The following CATIP variants were observed in gnomAD, a reference collection of about 807,000 sequenced individuals.
The protein encoded by CATIP is ciliogenesis associated TTC17 interacting protein.
Under a neutral mutation model 42.5 loss-of-function variants are expected in CATIP, and 40 were observed. The ratio of observed to expected loss-of-function variants is 0.94; its 90% CI spans 0.73 to 1.22. The LOEUF (loss-of-function observed/expected upper bound fraction) is 1.22, where lower values mean the gene tolerates loss of function less well. CATIP is among the 50% of genes most tolerant of loss of function. The probability of loss-of-function intolerance (pLI) is 0.00; values close to 1 mark genes in which losing one functional copy is unlikely to be tolerated. For missense variants in CATIP, 489 were observed against 496.0 expected, an observed-to-expected ratio of 0.99 and a Z score of 0.13; for synonymous variants, 222 against 200.2, an observed-to-expected ratio of 1.11 and a Z score of -0.92.
intron 4 of CATIP, among the ~76,000 whole-genome samples, chr2:218,358,924 G>T (rs1398530265): frequency 2.0e-5 from 3 of 151,796 alleles, no homozygotes; most frequent in Non-Finnish European, 4.4e-5. Flanking sequence ...AAAGATGTAG[G>T]TTGGGCACGG....
At position 218,360,554 on chromosome 2, in the gene CATIP, C is replaced by A; in HGVS notation, c.376-19C>A. The A allele has an allele frequency of 6.2e-7, 1 of 1,605,446 alleles. No homozygotes were observed. Among genetic ancestry groups the A allele is most frequent in the Non-Finnish European group, 8.5e-7 (1 of 1,172,914 alleles). ...ACCCAGGGAGTCCCTGATCCTCCCC[C>A]GCATGCTCTGGCCCTCAGTTCCTCA... On this transcript the variant is annotated intron_variant, in intron 4 of 9. Transcript: ENST00000289388.
chr2:218,367,873 G>A lies in CATIP; in HGVS notation c.1073G>A (p.Arg358His). Residue 358 changes from arginine (R) to histidine (H), a missense_variant, in exon 10 of 10, where the codon CGT (arginine) becomes CAT (histidine). Arg to His is a conservative substitution (Grantham distance 29). Coordinates refer to ENST00000289388, the MANE Select transcript of CATIP (RefSeq NM_198559.2). ...AEFFGPFDPWRPSSPALGSSH... is the reference protein window; with the variant it reads ...AEFFGPFDPWHPSSPALGSSH... ...TTCTTCGGCCCCTTCGACCCGTGGC[G>A]TCCGTCGTCACCGGCCTTGGGCTCC... The A allele has an allele frequency of 1.2e-6, 2 of 1,612,950 alleles. No individual in the cohort carries two copies. Among genetic ancestry groups the A allele is most frequent in the African/African-American group, 1.3e-5 (1 of 75,048 alleles).
Position 218,361,734 on chromosome 2 carries a change from G to A in CATIP, c.463-1001G>A, listed in dbSNP as rs548829891. 2.0e-5 allele frequency among the ~76,000 whole-genome samples: 3 copies of A among 152,276 alleles called. No individual in the cohort carries two copies. In the East Asian group the frequency reaches 5.8e-4, roughly 29 times the overall value. ...AGCTACCTTGTTTAGGAATAAAATG[G>A]GAGGCAGCTTTGCCTGAGGCAGTTC... On this transcript the variant is annotated intron_variant, in intron 5 of 9. Transcript: ENST00000289388.
Position 218,367,527 on chromosome 2 carries a change from A to G in CATIP, c.921+9A>G, listed in dbSNP as rs768368734. The G allele has an allele frequency of 6.2e-6, 10 of 1,613,500 alleles. No homozygotes were observed. The South Asian group carries it at 1.1e-4, about 18-fold the overall frequency. On this transcript the variant is annotated intron_variant, in intron 9 of 9. Coordinates refer to ENST00000289388, the MANE Select transcript of CATIP (RefSeq NM_198559.2). ...AGTTCCTGGACCGGAAGGTGAGGGG[A>G]GGCTCCACCAGCCTGGGGTTCCCAT...
At position 218,362,727 on chromosome 2, in the gene CATIP, C is replaced by T. The variant is rs778563062; in HGVS notation, c.463-8C>T. 6.2e-7 allele frequency: 1 copy of T among 1,613,636 alleles called. No homozygotes were observed. The highest frequency in any genetic ancestry group is 8.5e-7 in the Non-Finnish European group (1 of 1,179,694). On this transcript the variant is annotated splice_polypyrimidine_tract_variant and splice_region_variant and intron_variant, in intron 5 of 9. Coordinates refer to ENST00000289388, the MANE Select transcript of CATIP (RefSeq NM_198559.2). ...TCCAGGACCCTGACCCAGATCAGTT[C>T]TGAACAGGAAGTGAAGACTGGAGTG...
intron 6 of CATIP, among the ~76,000 whole-genome samples, chr2:218,363,135 C>T (rs1311223496): frequency 6.6e-6 from 1 of 152,024 alleles, no homozygotes; most frequent in Non-Finnish European, 1.5e-5. Context: ...AACCCTTCCG[C>T]ACAGAAGTCA....
chr2:218,367,453 T>C lies in CATIP; in HGVS notation c.856T>C (p.Phe286Leu). ...AGATGAGATTGAGCCACGCCCAGTG[T>C]TTGAGAAGAAGCCCCTGGTATGGGA... ...EEDEIEPRPV[F>L]EKKPLVWEED... The change falls in exon 9 of 10, where the codon TTT becomes CTT. Residue 286 changes from phenylalanine to leucine, a missense_variant. Transcript: ENST00000289388. 1 of 1,614,114 alleles carries C rather than the reference T, an allele frequency of 6.2e-7. No individual in the cohort carries two copies. Among genetic ancestry groups the C allele is most frequent in the Non-Finnish European group, 8.5e-7 (1 of 1,180,008 alleles).
intron 7 of CATIP, chr2:218,366,574 C>A (rs1377854226): frequency 1.6e-5 from 3 of 187,814 alleles, no homozygotes; most frequent in Non-Finnish European, 3.4e-5. Context: ...GAGAGGGAGG[C>A]AGAAGTAAAG....
In CATIP at chr2:218,357,126, T is replaced by C; in HGVS notation, c.57T>C (p.Gly19=). 3.1e-6 allele frequency: 5 copies of C among 1,613,832 alleles called. No individual in the cohort carries two copies. Among genetic ancestry groups the C allele is most frequent in the Non-Finnish European group, 3.4e-6 (4 of 1,179,904 alleles). ...GAGCTAAGGACCACCAGCCCTCGGG[T>C]CCGGAGTGTCTGCCACTCCCAGAGG... ...GSRAKDHQPS[G]PECLPLPEAN... Residue 19 remains glycine (G), a synonymous_variant, in exon 2 of 10, where the codon GGT becomes GGC. Coordinates refer to ENST00000289388, the MANE Select transcript of CATIP (RefSeq NM_198559.2).
chr2:218,368,075 G>A lies in CATIP; in HGVS notation c.*111G>A. 1.6e-6 allele frequency: 2 copies of A among 1,282,706 alleles called. No homozygotes were observed. The highest frequency in any genetic ancestry group is 2.7e-5 in the East Asian group (1 of 36,478). The allele number at this position is 1,282,706 out of a possible 1,614,324, so 79.5% of individuals were successfully genotyped here. On this transcript the variant is annotated 3_prime_UTR_variant, in exon 10 of 10. Transcript: ENST00000289388. ...GCTGCGGTTTTGGGGGAATAAATGG[G>A]GCCCTCCCGCTTCTCTGCAGCGCCC...
Position 218,367,490 on chromosome 2 carries a change from A to T in CATIP, c.893A>T (p.Glu298Val). ...CCCCTGGTATGGGAGGAGGATATGG[A>T]GCTCTATTCGAAGTTCCTGGACCGG... ...KKPLVWEEDM[E>V]LYSKFLDRKE... Residue 298 changes from glutamate to valine, a missense_variant, in exon 9 of 10, where the codon GAG becomes GTG. Physicochemically the swap from Glu to Val is moderately radical, Grantham distance 121 (BLOSUM62 -2). Transcript: ENST00000289388. The T allele has an allele frequency of 6.2e-7, 1 of 1,614,112 alleles. No homozygotes were observed.
chr2:218,358,474 T>C, intron 4 of CATIP, among the ~76,000 whole-genome samples: 1 of 152,038 alleles, frequency 6.6e-6, no homozygotes, highest in Non-Finnish European at 1.5e-5. Context: ...GGCAGGAGAA[T>C]CGCTTGAACC....
chr2:218,362,631 C>T, intron 5 of CATIP, 104 bp from the exon 6 acceptor site: 1 of 1,176,700 alleles, frequency 8.5e-7, no homozygotes, highest in South Asian at 1.5e-5. Context: ...GAAACTCTGT[C>T]TCAAAAAAAA....
At position 218,362,805 on chromosome 2, in the gene CATIP, T is replaced by C; in HGVS notation, c.533T>C (p.Leu178Pro). 1 of 1,614,168 alleles carries C rather than the reference T, an allele frequency of 6.2e-7. No individual in the cohort carries two copies. The highest frequency in any genetic ancestry group is 8.5e-7 in the Non-Finnish European group (1 of 1,180,032). ...GGCTTCATCTCAGAGGCTGCCAACC[T>C]GGTGCTGCTCAGGGTGATGGCCTGG... Reference protein sequence around the residue: ...IKGFISEAANLVLLRVMAWRR... With the variant: ...IKGFISEAANPVLLRVMAWRR... Residue 178 changes from leucine to proline, a missense_variant, in exon 6 of 10, where the codon CTG becomes CCG. By Grantham distance (98) the Leu-to-Pro change is moderately conservative. Coordinates refer to ENST00000289388, the MANE Select transcript of CATIP (RefSeq NM_198559.2).
chr2:218,363,219 G>A lies in CATIP; in HGVS notation c.630+317G>A, dbSNP rs535316518. The stretch of plus-strand genomic sequence containing the variant: ...TTTTGGGCCAGGTGTGGTGGCTCAC[G>A]CCTGTAATCCCAGCACTTTGGGAGG... On this transcript the variant is annotated intron_variant, in intron 6 of 9. Coordinates refer to ENST00000289388, the MANE Select transcript of CATIP (RefSeq NM_198559.2). Among the ~76,000 whole-genome samples the A allele has an allele frequency of 1.8e-4, 28 of 152,186 alleles. No homozygotes were observed. In the South Asian group the frequency reaches 5.0e-3, roughly 27 times the overall value.
At chr2:218,363,107 G>T (rs1473868559) in intron 6 of CATIP, among the ~76,000 whole-genome samples, 1 of 152,088 alleles carries the variant, frequency 6.6e-6, no homozygotes, top group Non-Finnish European at 1.5e-5. Flanking sequence ...CTGAGAAGTG[G>T]GAACAGTTCA....
At chr2:218,363,074 T>C (rs1695291394) in intron 6 of CATIP, among the ~76,000 whole-genome samples, 172 bp downstream of exon 6, 1 of 152,042 alleles carries the variant, frequency 6.6e-6, no homozygotes, top group African/African-American at 2.4e-5. Flanking sequence ...TCTGGGAGTG[T>C]GGGGCAGATG....
At chr2:218,361,123 G>A (rs964477187) in intron 5 of CATIP, among the ~76,000 whole-genome samples, 2 of 152,100 alleles carry the variant, frequency 1.3e-5, no homozygotes, top group African/African-American at 4.8e-5. Flanking sequence ...GAGCCACCAC[G>A]CCCAGCCTAC....
In CATIP at chr2:218,358,074, C is replaced by T. The variant is rs542652459; in HGVS notation, c.357C>T (p.His119=). The T allele has an allele frequency of 2.5e-6, 4 of 1,613,968 alleles. No individual in the cohort carries two copies. The highest frequency in any genetic ancestry group is 3.4e-6 in the Non-Finnish European group (4 of 1,179,968). The change falls in exon 4 of 10, where the codon CAC becomes CAT. Residue 119 remains histidine, a synonymous_variant. Coordinates refer to ENST00000289388, the MANE Select transcript of CATIP (RefSeq NM_198559.2). ...LSEKLELMEQ[H]SQDFIKFLIL... is the part of the protein sequence containing the mutation. ...AGAAGCTGGAGCTCATGGAACAGCA[C>T]AGCCAAGACTTCATCAAGGTACTTC...
Sources: allele counts gnomAD v4.1 joint callset (sites outside exome capture counted in the v4.1 genomes callset), GRCh38; gene constraint gnomAD v4.1.1; transcripts MANE v1.5; gene names NCBI Gene and HGNC (gene_info 2026-07-23, HGNC 2026-07-21).